HS2ST1: variants seen among roughly 807,000 people sequenced by gnomAD.
HS2ST1 encodes heparan sulfate 2-O-sulfotransferase 1.
In HS2ST1, 18 loss-of-function variants were observed where a neutral mutation model predicts 42.9. The observed-to-expected ratio is 0.42, with a 90% CI of 0.29 to 0.62. The LOEUF is 0.62. Among genes scored for constraint, HS2ST1 ranks in the 20% least tolerant of loss-of-function variants. HS2ST1 has a pLI of 0.21. For missense variants in HS2ST1, 334 were observed against 433.8 expected (o/e 0.77, Z 2.04); for synonymous variants, 146 against 152.9 (o/e 0.95, Z 0.33).
chr1:86,972,358 T>A (rs1339502203), intron 1 of HS2ST1, among the ~76,000 whole-genome samples: 6 of 151,276 alleles, frequency 4.0e-5, no homozygotes, highest in African/African-American at 1.5e-4. Flanking sequence ...TTAATAATTA[T>A]TTTTTTTTAA....
At chr1:87,001,148 A>G (rs1649270630) in intron 1 of HS2ST1, among the ~76,000 whole-genome samples, 1 of 152,206 alleles carries the variant, frequency 6.6e-6, no homozygotes, top group Non-Finnish European at 1.5e-5. Context: ...TATTTTTCCA[A>G]AATGCCAAAA....
chr1:86,942,348 G>A (rs1221180384), intron 1 of HS2ST1, among the ~76,000 whole-genome samples: 1 of 152,108 alleles, frequency 6.6e-6, no homozygotes, highest in East Asian at 1.9e-4. Flanking sequence ...TTAAAATTTA[G>A]ATAATGAATA....
intron 1 of HS2ST1, among the ~76,000 whole-genome samples, chr1:87,018,605 C>T (rs750728341): frequency 8.5e-5 from 13 of 152,174 alleles, no homozygotes; most frequent in African/African-American, 1.2e-4. Context: ...CTTTTCATGA[C>T]GCTCTAAAGG....
intron 1 of HS2ST1, chr1:87,046,130 T>G: frequency 1.4e-6 from 1 of 700,522 alleles, no homozygotes. Context: ...TTATGAATGC[T>G]TTAGATAACA....
chr1:87,007,003 G>T (rs1038262318), intron 1 of HS2ST1, among the ~76,000 whole-genome samples: 3 of 152,066 alleles, frequency 2.0e-5, no homozygotes, highest in African/African-American at 7.2e-5. Flanking sequence ...TTTAGACTAA[G>T]TGAGTAATGC....
intron 1 of HS2ST1, among the ~76,000 whole-genome samples, chr1:87,071,890 C>CT (rs1218574284): frequency 2.0e-5 from 3 of 152,026 alleles, no homozygotes; most frequent in Non-Finnish European, 4.4e-5. Context: ...AGAGTACGTG[C>CT]TATATGTGTA....
At chr1:87,027,258 A>G (rs937195989) in intron 1 of HS2ST1, among the ~76,000 whole-genome samples, 16 of 152,222 alleles carry the variant, frequency 1.1e-4, no homozygotes, top group African/African-American at 3.9e-4. Flanking sequence ...AGATAATTGC[A>G]TAATGAAACT....
At chr1:86,972,376 A>T (rs555706790) in intron 1 of HS2ST1, among the ~76,000 whole-genome samples, 6 of 152,072 alleles carry the variant, frequency 3.9e-5, no homozygotes, top group South Asian at 2.1e-4. Flanking sequence ...TAAGAGATGG[A>T]GGTCTCATTC....
intron 1 of HS2ST1, among the ~76,000 whole-genome samples, chr1:86,949,723 T>C (rs1647446556): frequency 6.6e-6 from 1 of 152,220 alleles, no homozygotes; most frequent in Admixed American, 6.5e-5. Flanking sequence ...TAGTGGTTCC[T>C]GTCGATGGTG....
At chr1:87,017,730 G>A (rs79595621) in intron 1 of HS2ST1, among the ~76,000 whole-genome samples, 3,669 of 151,798 alleles carry the variant, frequency 0.024, 47 homozygotes, top group South Asian at 0.053. Context: ...GCCTATGTTT[G>A]CTTTTTTATT....
At chr1:86,962,194 G>A (rs1647865844) in intron 1 of HS2ST1, among the ~76,000 whole-genome samples, 1 of 152,132 alleles carries the variant, frequency 6.6e-6, no homozygotes, top group South Asian at 2.1e-4. Context: ...CAGACACAAA[G>A]ATAAATTAAG....
chr1:87,008,623 T>A (rs1240434382), intron 1 of HS2ST1, among the ~76,000 whole-genome samples: 1 of 152,222 alleles, frequency 6.6e-6, no homozygotes. Context: ...GACAGCCATT[T>A]AAAATGGCAA....
chr1:87,028,025 C>A (rs1027003830), intron 1 of HS2ST1, among the ~76,000 whole-genome samples: 3 of 152,220 alleles, frequency 2.0e-5, no homozygotes, highest in Non-Finnish European at 2.9e-5. Flanking sequence ...GAAATGCTAC[C>A]TTAGATTGTA....
intron 3 of HS2ST1, among the ~76,000 whole-genome samples, chr1:87,090,678 A>AGTGG (rs1651917527): frequency 6.6e-6 from 1 of 152,016 alleles, no homozygotes; most frequent in African/African-American, 2.4e-5. Context: ...TAAATCTTTC[A>AGTGG]GTGGCCTCCC....
chr1:86,954,131 C>T (rs1165744898), intron 1 of HS2ST1, among the ~76,000 whole-genome samples: 1 of 149,010 alleles, frequency 6.7e-6, no homozygotes, highest in Non-Finnish European at 1.5e-5. Context: ...GCGGGCAGGT[C>T]ACGAGGTCAG....
chr1:87,073,249 TA>T, intron 2 of HS2ST1, 77 bp downstream of exon 2: 1 of 993,702 alleles, frequency 1.0e-6, no homozygotes, highest in Non-Finnish European at 1.6e-6. Context: ...GGGGATAAAG[TA>T]TTTTAAAGGG....
intron 1 of HS2ST1, among the ~76,000 whole-genome samples, chr1:87,005,865 G>A (rs558537247): frequency 1.1e-4 from 17 of 152,118 alleles, no homozygotes; most frequent in African/African-American, 2.6e-4. Context: ...GAAAACAGTG[G>A]ATTTCTGTTA....
intron 2 of HS2ST1, among the ~76,000 whole-genome samples, chr1:87,078,349 C>G (rs1410611597): frequency 6.6e-6 from 1 of 152,158 alleles, no homozygotes; most frequent in Non-Finnish European, 1.5e-5. Flanking sequence ...ACAAAAAACC[C>G]CAACACCATT....
At chr1:86,927,531 C>T (rs535924826) in intron 1 of HS2ST1, among the ~76,000 whole-genome samples, 1 of 152,172 alleles carries the variant, frequency 6.6e-6, no homozygotes, top group Non-Finnish European at 1.5e-5. Context: ...AGGAATAATC[C>T]ATTAGTATCA....
Sources: allele counts gnomAD v4.1 joint callset (sites outside exome capture counted in the v4.1 genomes callset), GRCh38; gene constraint gnomAD v4.1.1; transcripts MANE v1.5; gene names NCBI Gene and HGNC (gene_info 2026-07-23, HGNC 2026-07-21).